RGS6: variants seen among roughly 807,000 people sequenced by gnomAD.
RGS6 encodes regulator of G protein signaling 6.
A neutral mutation model predicts 78.5 loss-of-function variants in RGS6; 30 were observed. The observed-to-expected ratio is 0.38, with a 90% confidence interval of 0.29 to 0.52. The LOEUF (loss-of-function observed/expected upper bound fraction) is 0.52, where lower values mean the gene tolerates loss of function less well. Among genes scored for constraint, RGS6 ranks in the 20% least tolerant of loss-of-function variants. The pLI is 0.85. For missense variants in RGS6, 495 were observed against 609.7 expected (o/e 0.81, Z 1.98); for synonymous variants, 206 against 206.0 (o/e 1.00, Z 0.00).
At chr14:72,442,753 G>C (rs2095250671) in intron 3 of RGS6, among the ~76,000 whole-genome samples, 1 of 152,210 alleles carries the variant, frequency 6.6e-6, no homozygotes, top group Non-Finnish European at 1.5e-5. Context: ...TCACAGAGCT[G>C]GTGGGAGGGG....
chr14:71,875,137 A>T, the RGS6 span, among the ~76,000 whole-genome samples: 1 of 152,164 alleles, frequency 6.6e-6, no homozygotes, highest in South Asian at 2.1e-4. Context: ...AGGCTTTGGT[A>T]TTAGGATGAT....
chr14:71,946,385 C>T (rs1315482076), intron 1 of RGS6, among the ~76,000 whole-genome samples: 1 of 151,982 alleles, frequency 6.6e-6, no homozygotes, highest in Non-Finnish European at 1.5e-5. Context: ...TGTTCCGTAC[C>T]CCAGGTCACA....
At chr14:71,984,478 C>CAGAAAGAAAA (rs1555416315) in intron 2 of RGS6, among the ~76,000 whole-genome samples, 1 of 10,836 alleles carries the variant, frequency 9.2e-5, no homozygotes, top group Non-Finnish European at 1.9e-4. Flanking sequence ...GACCCTGTCT[C>CAGAAAGAAAA]AAAAAGAAAA....
chr14:72,289,862 T>C (rs931598153), intron 2 of RGS6, among the ~76,000 whole-genome samples: 2 of 152,234 alleles, frequency 1.3e-5, no homozygotes, highest in African/African-American at 4.8e-5. Context: ...GTTTAGTCAA[T>C]GTCAAGAAGT....
At chr14:72,250,447 C>T (rs867599815) in intron 2 of RGS6, among the ~76,000 whole-genome samples, 1 of 135,072 alleles carries the variant, frequency 7.4e-6, no homozygotes, top group South Asian at 2.5e-4. Flanking sequence ...AGAAGTTTCT[C>T]AAAAAAAGAA....
chr14:72,007,630 GTTC>G (rs2084826792), intron 2 of RGS6, among the ~76,000 whole-genome samples: 1 of 152,236 alleles, frequency 6.6e-6, no homozygotes, highest in South Asian at 2.1e-4. Context: ...GACCAAGACA[GTTC>G]TTCTTCCTAT....
chr14:72,133,962 G>A lies in RGS6; in HGVS notation c.84+169087G>A, dbSNP rs569708625. Reference sequence around the variant, plus strand: ...TTCCTCCATGGAAGATCATAATACTGTTTCCCAACCCAGACATAGCATCTT... The same window carrying A: ...TTCCTCCATGGAAGATCATAATACTATTTCCCAACCCAGACATAGCATCTT... On this transcript the variant is annotated intron_variant, in intron 2 of 17. Transcript: ENST00000553525. 1.1e-4 allele frequency among the ~76,000 whole-genome samples: 17 copies of A among 152,240 alleles called. No homozygotes were observed. In the South Asian group the frequency reaches 3.5e-3, roughly 32 times the overall value.
intron 2 of RGS6, among the ~76,000 whole-genome samples, chr14:72,313,652 A>G (rs1441548627): frequency 6.6e-6 from 1 of 152,164 alleles, no homozygotes; most frequent in Non-Finnish European, 1.5e-5. Context: ...TCCCATCTCT[A>G]TGTCTGTATT....
At chr14:72,160,734 T>A (rs568728985) in intron 2 of RGS6, among the ~76,000 whole-genome samples, 2 of 152,306 alleles carry the variant, frequency 1.3e-5, no homozygotes, top group South Asian at 4.1e-4. Flanking sequence ...TGTGAAGACA[T>A]TTACAAGCCA....
the RGS6 span, among the ~76,000 whole-genome samples, chr14:72,580,799 C>T: frequency 6.6e-6 from 1 of 152,196 alleles, no homozygotes; most frequent in Non-Finnish European, 1.5e-5. Context: ...TCCAGCTAAC[C>T]ACAGTCAGAA....
At chr14:72,586,269 G>A in the RGS6 span, among the ~76,000 whole-genome samples, 6 of 152,246 alleles carry the variant, frequency 3.9e-5, no homozygotes, top group East Asian at 3.9e-4. Flanking sequence ...CATGGTGGCC[G>A]GTGTTTGGGT....
the RGS6 span, among the ~76,000 whole-genome samples, chr14:72,617,908 CT>C: frequency 6.6e-6 from 1 of 152,192 alleles, no homozygotes; most frequent in Admixed American, 6.5e-5. Context: ...GAGACCTGCC[CT>C]TTGGGCAAAT....
Position 72,497,250 on chromosome 14 carries a change from CATCA to C in RGS6, c.965+1993_965+1996del, listed in dbSNP as rs1300980605. On this transcript the variant is annotated intron_variant, in intron 13 of 17. Coordinates refer to ENST00000553525, the MANE Select transcript of RGS6 (RefSeq NM_001204424.2). ...CCCACATTCTTACCATCCCAAGCAT[CATCA>C]ATCATTTTGTCTTTGCAAATCCAAA... is the stretch of plus-strand genomic sequence containing the variant. 2.0e-5 allele frequency among the ~76,000 whole-genome samples: 3 copies of C among 152,298 alleles called. No homozygotes were observed. The East Asian group carries it at 5.8e-4, about 29-fold the overall frequency.
chr14:72,164,065 G>C (rs535555236), intron 2 of RGS6, among the ~76,000 whole-genome samples: 157 of 152,208 alleles, frequency 1.0e-3, no homozygotes, highest in Non-Finnish European at 1.9e-3. Flanking sequence ...ACCTAAGAAG[G>C]TTTTGTGGGG....
intron 2 of RGS6, among the ~76,000 whole-genome samples, chr14:72,204,062 G>A (rs2042182193): frequency 1.3e-5 from 2 of 152,046 alleles, no homozygotes; most frequent in Admixed American, 1.3e-4. Flanking sequence ...GACCTCCAGT[G>A]ATCTGCCCAC....
At chr14:72,025,569 A>G (rs957061666) in intron 2 of RGS6, among the ~76,000 whole-genome samples, 5 of 152,092 alleles carry the variant, frequency 3.3e-5, no homozygotes, top group African/African-American at 1.2e-4. Context: ...AGAGCCTCTT[A>G]GAGTCTTTTA....
chr14:72,313,210 G>A (rs1346483004), intron 2 of RGS6, among the ~76,000 whole-genome samples: 1 of 152,204 alleles, frequency 6.6e-6, no homozygotes, highest in Non-Finnish European at 1.5e-5. Context: ...CTACAGTCAG[G>A]AGATGCTACG....
chr14:72,198,439 A>G (rs2040713829), intron 2 of RGS6, among the ~76,000 whole-genome samples: 1 of 152,260 alleles, frequency 6.6e-6, no homozygotes, highest in South Asian at 2.1e-4. Flanking sequence ...CTAAATAAGG[A>G]CAATAGACTA....
upstream of RGS6, chr14:71,932,296 C>A (rs1338472920): frequency 6.6e-6 from 1 of 151,662 alleles, no homozygotes; most frequent in Non-Finnish European, 1.5e-5. Context: ...GCCGGCCCCT[C>A]CCTGCAGCAC....
Sources: allele counts gnomAD v4.1 joint callset (sites outside exome capture counted in the v4.1 genomes callset), GRCh38; gene constraint gnomAD v4.1.1; transcripts MANE v1.5; gene names NCBI Gene and HGNC (gene_info 2026-07-23, HGNC 2026-07-21).